Variants in MCF2L observed in about 807,000 individuals in gnomAD.
The protein encoded by MCF2L is MCF.2 cell line derived transforming sequence like, also known as guanine nucleotide exchange factor DBS.
Under a neutral mutation model 153.4 loss-of-function variants are expected in MCF2L, and 97 were observed. The observed-to-expected ratio is 0.63, with a 90% CI of 0.54 to 0.75. MCF2L has a LOEUF of 0.75. MCF2L is among the 30% of genes least tolerant of loss of function. The pLI, the probability that MCF2L is intolerant of heterozygous loss-of-function variation, is 0.00. For missense variants in MCF2L, 1,347 were observed against 1,495.2 expected (o/e 0.90, Z 1.64); for synonymous variants, 659 against 632.2 (o/e 1.04, Z -0.64).
intron 1 of MCF2L, among the ~76,000 whole-genome samples, chr13:112,994,986 G>C (rs190311162): frequency 1.3e-4 from 20 of 152,338 alleles, no homozygotes; most frequent in African/African-American, 4.8e-4. Flanking sequence ...CCCAGGTTTG[G>C]CTCCAGGACG....
chr13:113,005,227 G>A (rs1300019828), intron 1 of MCF2L, among the ~76,000 whole-genome samples: 1 of 152,230 alleles, frequency 6.6e-6, no homozygotes, highest in Non-Finnish European at 1.5e-5. Flanking sequence ...ATCAGCCACA[G>A]GCAAAGCCAC....
chr13:112,897,958 T>G (rs1303395255), intron 1 of MCF2L, among the ~76,000 whole-genome samples: 1 of 152,046 alleles, frequency 6.6e-6, no homozygotes. Context: ...GCCCTGGAGG[T>G]GCCATGTGGC....
intron 18 of MCF2L, 106 bp from the exon 19 acceptor site, chr13:113,084,786 G>A (rs985747380): frequency 2.5e-5 from 21 of 839,174 alleles, no homozygotes; most frequent in East Asian, 1.2e-4. Flanking sequence ...AAGACGCTGC[G>A]TGATGCGGTG....
intron 1 of MCF2L, among the ~76,000 whole-genome samples, chr13:112,895,736 G>A (rs1430120985): frequency 6.6e-6 from 1 of 152,116 alleles, no homozygotes; most frequent in Non-Finnish European, 1.5e-5. Flanking sequence ...CGGGTTTTAA[G>A]GCTCCCTCAG....
chr13:113,049,755 G>A (rs12586128), intron 4 of MCF2L, among the ~76,000 whole-genome samples: 4 of 152,358 alleles, frequency 2.6e-5, no homozygotes, highest in East Asian at 1.9e-4. Context: ...CTCGGCCACC[G>A]AGGAGGACGC....
At chr13:112,942,630 C>T (rs1189882911) in intron 2 of MCF2L, among the ~76,000 whole-genome samples, 1 of 152,206 alleles carries the variant, frequency 6.6e-6, no homozygotes, top group Non-Finnish European at 1.5e-5. Context: ...GTCTGATTTA[C>T]ACAATAATTT....
In MCF2L at chr13:113,099,503, GTC is replaced by G. The variant is rs1214564764; in HGVS notation, c.*2646_*2647del. Reference sequence around the variant, plus strand: ...AGATTGGTGTCGACAGCTTAGTGGTGTCTGATTTTATACATGACAAAATGAAC... The same window carrying G: ...AGATTGGTGTCGACAGCTTAGTGGTGTGATTTTATACATGACAAAATGAAC... On this transcript the variant is annotated 3_prime_UTR_variant, in exon 30 of 30. Coordinates refer to ENST00000535094, the MANE Select transcript of MCF2L (RefSeq NM_001112732.3). 2 of 152,174 alleles carry G rather than the reference GTC, an allele frequency of 1.3e-5. No individual in the cohort carries two copies. The highest frequency in any genetic ancestry group is 4.8e-5 in the African/African-American group (2 of 41,418). The allele number at this position is 152,174 out of a possible 1,614,324, so 9.4% of individuals were successfully genotyped here.
At chr13:113,062,390 CTT>C (rs2141796842) in intron 5 of MCF2L, among the ~76,000 whole-genome samples, 1 of 152,318 alleles carries the variant, frequency 6.6e-6, no homozygotes, top group South Asian at 2.1e-4. Flanking sequence ...CTCTTGGTGG[CTT>C]GTGTGTGTTA....
In MCF2L at chr13:113,046,882, G is replaced by A. The variant is rs1169661879; in HGVS notation, c.369+1521G>A. ...CGGTCTTCCTTTGTTTTAACAGTGC[G>A]TTCGTTTGCTTTTGCGTCACTATAA... On this transcript the variant is annotated intron_variant, in intron 4 of 29. Coordinates refer to ENST00000535094, the MANE Select transcript of MCF2L (RefSeq NM_001112732.3). The surrounding 1 kb of genome is among the most constrained non-coding windows in gnomAD (Gnocchi z 4.4). The A allele has an allele frequency of 8.6e-5, 25 of 289,134 alleles. No individual in the cohort carries two copies. The highest frequency in any genetic ancestry group is 5.8e-4 in the South Asian group (19 of 32,716). 17.9% of individuals were successfully genotyped at this position (289,134 alleles called of 1,614,324 possible).
intron 8 of MCF2L, among the ~76,000 whole-genome samples, chr13:113,066,860 G>A (rs1407485227): frequency 6.6e-6 from 1 of 152,344 alleles, no homozygotes; most frequent in East Asian, 1.9e-4. Flanking sequence ...CGTGCGGGGC[G>A]CACCCAGGCC....
intron 1 of MCF2L, among the ~76,000 whole-genome samples, chr13:112,978,944 C>T (rs1282480237): frequency 6.6e-6 from 1 of 152,242 alleles, no homozygotes; most frequent in Non-Finnish European, 1.5e-5. Flanking sequence ...GGCACGTCAC[C>T]TCGGGGGCCA....
intron 3 of MCF2L, among the ~76,000 whole-genome samples, chr13:113,032,612 A>C (rs2085796051): frequency 6.6e-6 from 1 of 152,064 alleles, no homozygotes; most frequent in Non-Finnish European, 1.5e-5. Context: ...TCTGTCACCC[A>C]GACTGGAGTG....
chr13:113,096,523 G>T, intron 28 of MCF2L, 27 bp from the exon 29 acceptor site: 1 of 1,586,916 alleles, frequency 6.3e-7, no homozygotes, highest in Non-Finnish European at 8.6e-7. Context: ...CCCGCACGTG[G>T]CTGCCGCTGA....
At chr13:112,984,124 G>A (rs1423916466) in intron 1 of MCF2L, among the ~76,000 whole-genome samples, 1 of 152,220 alleles carries the variant, frequency 6.6e-6, no homozygotes, top group Non-Finnish European at 1.5e-5. Context: ...CAGCACCCTC[G>A]CCGGGTGCCG....
chr13:112,978,094 A>C (rs1218671946), intron 1 of MCF2L, among the ~76,000 whole-genome samples: 1 of 152,030 alleles, frequency 6.6e-6, no homozygotes, highest in African/African-American at 2.4e-5. Context: ...AACAAACAAA[A>C]CCAAAGAGGC....
At chr13:112,994,851 G>A (rs1040566784) in intron 1 of MCF2L, among the ~76,000 whole-genome samples, 1 of 152,226 alleles carries the variant, frequency 6.6e-6, no homozygotes, top group African/African-American at 2.4e-5. Flanking sequence ...AGTGGGCTGG[G>A]CTCAAACCCA....
intron 4 of MCF2L, among the ~76,000 whole-genome samples, chr13:113,056,050 C>T (rs1269362199): frequency 6.6e-6 from 1 of 152,236 alleles, no homozygotes; most frequent in Non-Finnish European, 1.5e-5. Flanking sequence ...TCCCTGCCCT[C>T]CCCACGCAAT....
chr13:112,920,254 CTGT>C (rs1426805250), intron 2 of MCF2L, among the ~76,000 whole-genome samples: 1 of 152,172 alleles, frequency 6.6e-6, no homozygotes, highest in Non-Finnish European at 1.5e-5. Context: ...GAGTACAGTT[CTGT>C]TGTTCTCTAA....
chr13:113,013,343 C>A (rs1256162079), intron 1 of MCF2L, among the ~76,000 whole-genome samples: 1 of 152,186 alleles, frequency 6.6e-6, no homozygotes, highest in Non-Finnish European at 1.5e-5. Context: ...TGGGGAAGGG[C>A]CTTGACATCT....
Sources: allele counts gnomAD v4.1 joint callset (sites outside exome capture counted in the v4.1 genomes callset), GRCh38; gene constraint gnomAD v4.1.1; non-coding constraint Gnocchi (gnomAD v3.1); transcripts MANE v1.5; gene names NCBI Gene and HGNC (gene_info 2026-07-23, HGNC 2026-07-21).